The following SPPL2B variants were observed in gnomAD, a reference collection of about 807,000 sequenced individuals.
SPPL2B encodes the protein signal peptide peptidase-like 2B.
Under a neutral mutation model 59.7 loss-of-function variants are expected in SPPL2B, and 39 were observed. The observed-to-expected ratio is 0.65, with a 90% CI of 0.51 to 0.85. The LOEUF (loss-of-function observed/expected upper bound fraction) is 0.85. SPPL2B is among the 40% of genes least tolerant of loss of function. The pLI is 0.00. For missense variants in SPPL2B, 865 were observed against 849.0 expected, an observed-to-expected ratio of 1.02 and a Z score of -0.23; for synonymous variants, 419 against 370.8, an observed-to-expected ratio of 1.13 and a Z score of -1.49.
intron 7 of SPPL2B, chr19:2,340,421 C>G: frequency 1.6e-6 from 1 of 637,556 alleles, no homozygotes; most frequent in Non-Finnish European, 2.8e-6. Flanking sequence ...GAACCCTGCC[C>G]CAGGTCGCAG....
intron 3 of SPPL2B, 75 bp from the exon 4 acceptor site, chr19:2,338,677 G>A: frequency 9.7e-6 from 10 of 1,026,050 alleles, no homozygotes; most frequent in Non-Finnish European, 1.5e-5. Flanking sequence ...CAGGAGAGGA[G>A]GCGAATGGGC....
Position 2,337,739 on chromosome 19 carries a change from C to A in SPPL2B, c.369+114C>A, listed in dbSNP as rs537446152. On this transcript the variant is annotated intron_variant, in intron 3 of 14. Coordinates refer to ENST00000613503, the MANE Select transcript of SPPL2B (RefSeq NM_152988.3). ...TTCCGACTTCTCGCTAAAGGCAGATCCATCTGTGGGGAGGATCTGGGCCGA... is the reference window on the plus strand; with the variant it reads ...TTCCGACTTCTCGCTAAAGGCAGATACATCTGTGGGGAGGATCTGGGCCGA... 2.7e-6 allele frequency: 3 copies of A among 1,097,734 alleles called. 1 individual carries two copies. The African/African-American group carries it at 4.8e-5, about 18-fold the overall frequency. The allele number at this position is 1,097,734 out of a possible 1,614,324, so 68.0% of individuals were successfully genotyped here.
In SPPL2B at chr19:2,344,550, C is replaced by T. The variant is rs372310069; in HGVS notation, c.1177-3C>T. 1.9e-6 allele frequency: 3 copies of T among 1,610,750 alleles called. No individual in the cohort carries two copies. The highest frequency in any genetic ancestry group is 1.7e-6 in the Non-Finnish European group (2 of 1,177,826). ...GGACATTGTCCTCTTCCCGTCTTTGCAGCTGCCCATGGTCCTGAAGGTGCC... is the reference window on the plus strand; with the variant it reads ...GGACATTGTCCTCTTCCCGTCTTTGTAGCTGCCCATGGTCCTGAAGGTGCC... On this transcript the variant is annotated splice_region_variant and splice_polypyrimidine_tract_variant and intron_variant, in intron 11 of 14. Coordinates refer to ENST00000613503, the MANE Select transcript of SPPL2B (RefSeq NM_152988.3).
At chr19:2,340,332 G>A (rs1270740139) in intron 7 of SPPL2B, among the ~76,000 whole-genome samples, 160 bp downstream of exon 7, 1 of 152,186 alleles carries the variant, frequency 6.6e-6, no homozygotes, top group East Asian at 1.9e-4. Context: ...GAGCAGGGCG[G>A]AGTCTGGGCG....
intron 1 of SPPL2B, among the ~76,000 whole-genome samples, chr19:2,331,765 G>C (rs925049723): frequency 6.6e-6 from 1 of 152,230 alleles, no homozygotes; most frequent in African/African-American, 2.4e-5. Context: ...TCTGGGAAGG[G>C]CTAGACAGTA....
rs1970081790 is a variant in SPPL2B, at chr19:2,354,431, C to T, written c.*1222C>T. On this transcript the variant is annotated 3_prime_UTR_variant, in exon 15 of 15. Coordinates refer to ENST00000613503, the MANE Select transcript of SPPL2B (RefSeq NM_152988.3). The stretch of plus-strand genomic sequence containing the variant: ...CTGGCTGTCTGTGGTGCCTGGGCCC[C>T]AGCTCCCGCCCGCCACCCGCCCTGT... The T allele has an allele frequency of 6.6e-6, 1 of 152,264 alleles. No individual in the cohort carries two copies. The highest frequency in any genetic ancestry group is 2.4e-5 in the African/African-American group (1 of 41,458). 9.4% of individuals were successfully genotyped at this position (152,264 alleles called of 1,614,324 possible). A position where few individuals can be genotyped will look rare whatever the true frequency, so the allele number is the denominator to read the frequency against.
chr19:2,337,571 G>T lies in SPPL2B; in HGVS notation c.315G>T (p.Arg105Ser), dbSNP rs757597503. 1 of 1,610,400 alleles carries T rather than the reference G, an allele frequency of 6.2e-7. No individual in the cohort carries two copies. The highest frequency in any genetic ancestry group is 8.5e-7 in the Non-Finnish European group (1 of 1,178,912). ...RGNCTFYEKV[R>S]LAQGSGARGL... The stretch of plus-strand genomic sequence containing the variant: ...ACTGCACCTTCTATGAGAAAGTGAG[G>T]CTGGCCCAGGGCAGCGGAGCACGCG... The change falls in exon 3 of 15, where the codon AGG becomes AGT. Residue 105 changes from arginine to serine, a missense_variant. Transcript: ENST00000613503.
intron 13 of SPPL2B, among the ~76,000 whole-genome samples, chr19:2,348,890 C>T: frequency 6.8e-6 from 1 of 146,460 alleles, no homozygotes; most frequent in South Asian, 2.2e-4. Flanking sequence ...CATTCTCTCT[C>T]TCCACACACA....
At chr19:2,343,071 A>G (rs552869100) in intron 8 of SPPL2B, 140 bp from the exon 9 acceptor site, 82 of 691,634 alleles carry the variant, frequency 1.2e-4, no homozygotes, top group Non-Finnish European at 1.4e-4. Flanking sequence ...TGGGGTCCTC[A>G]GAGTCATCCC....
At chr19:2,347,181 C>G (rs1004617144) in intron 13 of SPPL2B, among the ~76,000 whole-genome samples, 2 of 150,870 alleles carry the variant, frequency 1.3e-5, no homozygotes, top group Non-Finnish European at 2.9e-5. Context: ...CACACACACG[C>G]GCTCTCATTC....
intron 8 of SPPL2B, chr19:2,341,406 G>A (rs1012152986): frequency 2.8e-5 from 13 of 466,850 alleles, no homozygotes; most frequent in Middle Eastern, 6.3e-4. Context: ...CAGGGCACCC[G>A]GTCCTCTTGG....
intron 7 of SPPL2B, chr19:2,340,461 G>C: frequency 1.6e-6 from 1 of 620,584 alleles, no homozygotes; most frequent in Non-Finnish European, 2.9e-6. Context: ...AGGGTTCTCC[G>C]GGGAACCCAG....
chr19:2,337,657 C>G lies in SPPL2B; in HGVS notation c.369+32C>G, dbSNP rs3752206. On this transcript the variant is annotated intron_variant, in intron 3 of 14. Coordinates refer to ENST00000613503, the MANE Select transcript of SPPL2B (RefSeq NM_152988.3). ...CCCTGTGCGTCCCCCGCTGGGCCAG[C>G]TCTCAGGGGCAGGAGGGGGGTGCAG... 3,453 of 1,509,810 alleles carry G rather than the reference C, an allele frequency of 2.3e-3. 109 individuals are homozygous for G. The East Asian group carries it at 0.071, about 31-fold the overall frequency. The allele number at this position is 1,509,810 out of a possible 1,614,324, so 93.5% of individuals were successfully genotyped here. A position where few individuals can be genotyped will look rare whatever the true frequency, so the allele number is the denominator to read the frequency against.
At chr19:2,335,583 C>G (rs1444286141) in intron 2 of SPPL2B, among the ~76,000 whole-genome samples, 1 of 151,204 alleles carries the variant, frequency 6.6e-6, no homozygotes, top group African/African-American at 2.4e-5. Flanking sequence ...GCCCCGCCTC[C>G]TTTCCCACCA....
intron 1 of SPPL2B, among the ~76,000 whole-genome samples, chr19:2,333,419 C>T (rs945371218): frequency 4.6e-5 from 7 of 152,198 alleles, no homozygotes; most frequent in African/African-American, 7.2e-5. Context: ...CTGCAGTGTC[C>T]GCCGTGGTCC....
intron 8 of SPPL2B, 104 bp downstream of exon 8, chr19:2,341,118 T>C: frequency 1.2e-6 from 1 of 812,652 alleles, no homozygotes; most frequent in South Asian, 1.4e-5. Flanking sequence ...CGCCCCAGCC[T>C]GGAGCTGCTT....
chr19:2,343,284 A>G lies in SPPL2B; in HGVS notation c.1030A>G (p.Thr344Ala). The change falls in exon 9 of 15, where the codon ACC becomes GCC. Residue 344 changes from threonine to alanine, a missense_variant. Physicochemically the swap from Thr to Ala is moderately conservative, Grantham distance 58. Coordinates refer to ENST00000613503, the MANE Select transcript of SPPL2B (RefSeq NM_152988.3). ...CATGCTGAAGACCATCCGTCTGCCC[A>G]CCTTCAAGGTGAGTGCAGGGAGGGC... ...LYMLKTIRLP[T>A]FKACTLLLLV... 6.4e-7 allele frequency: 1 copy of G among 1,552,836 alleles called. No homozygotes were observed. Among genetic ancestry groups the G allele is most frequent in the Non-Finnish European group, 8.7e-7 (1 of 1,147,794 alleles).
intron 3 of SPPL2B, 158 bp from the exon 4 acceptor site, chr19:2,338,594 G>A: frequency 3.5e-6 from 2 of 579,518 alleles, no homozygotes; most frequent in Middle Eastern, 4.7e-4. Context: ...CTCCTGGGGG[G>A]CCGGAGGCTG....
rs1487927863 is a variant in SPPL2B at position 2,351,526 on chromosome 19, G to C, written c.1447G>C (p.Val483Leu). Residue 483 changes from valine (V) to leucine (L), a missense_variant, in exon 14 of 15, where the codon GTG (valine) becomes CTG (leucine). Val to Leu is a conservative substitution (Grantham distance 32). Coordinates refer to ENST00000613503, the MANE Select transcript of SPPL2B (RefSeq NM_152988.3). ...CCTCTACCTGGTGCCCTGCACGCTG[G>C]TGACGAGCTGCGCTGTGGCGCTCTG... ...ALLYLVPCTL[V>L]TSCAVALWRR... The C allele has an allele frequency of 6.2e-7, 1 of 1,611,308 alleles. No homozygotes were observed. Among genetic ancestry groups the C allele is most frequent in the East Asian group, 2.2e-5 (1 of 44,878 alleles).
Sources: gnomAD v4.1 joint callset for allele counts (sites outside exome capture counted in the v4.1 genomes callset) on GRCh38, gnomAD v4.1.1 for gene constraint, MANE v1.5 for transcripts, NCBI Gene and HGNC (gene_info 2026-07-23, HGNC 2026-07-21) for gene names.